The following KDM3A variants were observed in gnomAD, a reference collection of about 807,000 sequenced individuals.
KDM3A encodes the protein lysine demethylase 3A.
In KDM3A, 60 loss-of-function variants were observed where a neutral mutation model predicts 158.0. The ratio of observed to expected loss-of-function variants is 0.38; its 90% CI spans 0.31 to 0.47. KDM3A has a LOEUF of 0.47. Among genes scored for constraint, KDM3A ranks in the 20% least tolerant of loss-of-function variants. KDM3A has a pLI of 0.99. For missense variants in KDM3A, 1,319 were observed against 1,574.3 expected (o/e 0.84, Z 2.74); for synonymous variants, 608 against 549.3 (o/e 1.11, Z -1.49).
At position 86,466,857 on chromosome 2, in the gene KDM3A, C is replaced by G; in HGVS notation, c.1493C>G (p.Ser498Ter). The G allele has an allele frequency of 6.2e-7, 1 of 1,603,930 alleles. No individual in the cohort carries two copies. The highest frequency in any genetic ancestry group is 8.5e-7 in the Non-Finnish European group (1 of 1,175,896). Residue 498 changes from serine (S) to a stop codon, truncating the protein, a stop_gained, in exon 10 of 26, where the codon TCA becomes TGA. Transcript: ENST00000312912. LOFTEE classifies it high-confidence loss of function. ...SVKVDNESCC[S>*]RSNNKIQNAP... ...AAAGTAGATAATGAAAGCTGTTGTTCAAGAAGCAACAATAAAATCCAGAAT... is the reference window on the plus strand; with the variant it reads ...AAAGTAGATAATGAAAGCTGTTGTTGAAGAAGCAACAATAAAATCCAGAAT...
chr2:86,465,132 G>GA (rs1336831055), intron 9 of KDM3A, among the ~76,000 whole-genome samples: 1 of 152,206 alleles, frequency 6.6e-6, no homozygotes, highest in African/African-American at 2.4e-5. Flanking sequence ...AGGTATAATA[G>GA]AAAAAAAGGA....
rs745534431 is a variant in KDM3A, at chr2:86,466,768, A to G, written c.1404A>G (p.Ser468=). ...ATAGTGATAGCCCTAATAACTGTTC[A>G]GGAAAAAAGGTAGAACCTTCAGCTT... is the stretch of plus-strand genomic sequence containing the variant. ...GVNSDSPNNC[S]GKKVEPSALA... The change falls in exon 10 of 26, where the codon TCA becomes TCG. Residue 468 remains serine (S), a synonymous_variant. Coordinates refer to ENST00000312912, the MANE Select transcript of KDM3A (RefSeq NM_018433.6). 2 of 1,613,690 alleles carry G rather than the reference A, an allele frequency of 1.2e-6. No homozygotes were observed. The highest frequency in any genetic ancestry group is 1.7e-6 in the Non-Finnish European group (2 of 1,179,812).
At chr2:86,482,361 A>G in intron 17 of KDM3A, 97 bp from the exon 18 acceptor site, 3 of 1,538,228 alleles carry the variant, frequency 2.0e-6, no homozygotes, top group South Asian at 1.3e-5. Context: ...CTGGCTTGGA[A>G]TCTTCTGGAT....
rs762240995 is a variant in KDM3A, at chr2:86,442,047, C to A, written c.-1C>A. 1 of 1,613,968 alleles carries A rather than the reference C, an allele frequency of 6.2e-7. No homozygotes were observed. Among genetic ancestry groups the A allele is most frequent in the Non-Finnish European group, 8.5e-7 (1 of 1,179,948 alleles). ...GAGCTCTTCCTGCAGGCGTGGAAAC[C>A]ATGGTGCTCACGCTCGGAGAAAGTT... On this transcript the variant is annotated 5_prime_UTR_variant, in exon 2 of 26. Transcript: ENST00000312912.
Position 86,482,489 on chromosome 2 carries a change from T to C in KDM3A, c.2717T>C (p.Ile906Thr). 1 of 1,614,162 alleles carries C rather than the reference T, an allele frequency of 6.2e-7. No homozygotes were observed. Among genetic ancestry groups the C allele is most frequent in the South Asian group, 1.1e-5 (1 of 91,086 alleles). The change falls in exon 18 of 26, where the codon ATC becomes ACC. Residue 906 changes from isoleucine to threonine, a missense_variant. Around this residue, in one of 4 missense-constraint regions of KDM3A, gnomAD observed 368 missense variants for 415.8 expected, o/e 0.89. Coordinates refer to ENST00000312912, the MANE Select transcript of KDM3A (RefSeq NM_018433.6). ...AATGGACTCAAGAATACACCAAAAATCCTTGATGACATCTTTGCCTCTTTG... is the reference window on the plus strand; with the variant it reads ...AATGGACTCAAGAATACACCAAAAACCCTTGATGACATCTTTGCCTCTTTG... ...TENGLKNTPK[I>T]LDDIFASLVQ...
At chr2:86,440,899 G>A (rs1371337140), upstream of KDM3A, 3 of 152,392 alleles carry the variant, frequency 2.0e-5, no homozygotes, top group African/African-American at 7.2e-5. Context: ...TTTCCTGTGA[G>A]ATTCTTCCGC....
chr2:86,473,660 G>C (rs1469017447), intron 11 of KDM3A, among the ~76,000 whole-genome samples: 1 of 152,152 alleles, frequency 6.6e-6, no homozygotes, highest in Non-Finnish European at 1.5e-5. Context: ...TAAGGTGGGA[G>C]GATTGCTGAA....
At chr2:86,456,954 C>G in intron 7 of KDM3A, 29 bp from the exon 8 acceptor site, 2 of 1,572,868 alleles carry the variant, frequency 1.3e-6, no homozygotes, top group South Asian at 1.1e-5. Flanking sequence ...AACAGGGAAG[C>G]CAACTTAACC....
Position 86,490,910 on chromosome 2 carries a change from A to C in KDM3A, c.3603A>C (p.Pro1201=). The C allele has an allele frequency of 6.2e-7, 1 of 1,612,844 alleles. No individual in the cohort carries two copies. Among genetic ancestry groups the C allele is most frequent in the Non-Finnish European group, 8.5e-7 (1 of 1,179,520 alleles). Residue 1201 remains proline, a synonymous_variant, in exon 24 of 26, where the codon CCA becomes CCC. Coordinates refer to ENST00000312912, the MANE Select transcript of KDM3A (RefSeq NM_018433.6). The part of the protein sequence containing the change: ...KVSEEQGQEN[P]ADHDPIHDQS... ...CAGAAGAGCAAGGTCAAGAAAACCCAGCAGACCACGATCCTATTCATGATC... is the reference window on the plus strand; with the variant it reads ...CAGAAGAGCAAGGTCAAGAAAACCCCGCAGACCACGATCCTATTCATGATC...
At position 86,474,941 on chromosome 2, in the gene KDM3A, T is replaced by A; in HGVS notation, c.1890T>A (p.Cys630Ter). Residue 630 changes from cysteine (C) to a stop codon, truncating the protein, a stop_gained, in exon 12 of 26, where the codon TGT becomes TGA. Transcript: ENST00000312912. LOFTEE classifies it high-confidence loss of function. ...TGGCCAACATTGGAGACCACTTCTGTCAAATGGTGATTTCTGAAAAGGAAG... is the reference window on the plus strand; with the variant it reads ...TGGCCAACATTGGAGACCACTTCTGACAAATGGTGATTTCTGAAAAGGAAG... Reference protein sequence around the residue: ...YILANIGDHFCQMVISEKEAM... With the variant: ...YILANIGDHF 1 of 1,614,092 alleles carries A rather than the reference T, an allele frequency of 6.2e-7. No individual in the cohort carries two copies. The highest frequency in any genetic ancestry group is 8.5e-7 in the Non-Finnish European group (1 of 1,180,006).
intron 11 of KDM3A, among the ~76,000 whole-genome samples, chr2:86,474,520 G>A (rs934580180): frequency 2.6e-5 from 4 of 151,944 alleles, no homozygotes; most frequent in Non-Finnish European, 5.9e-5. Flanking sequence ...AAAATTAGGC[G>A]GGAGTGGTGG....
At position 86,456,891 on chromosome 2, in the gene KDM3A, T is replaced by C. The variant is rs371657789; in HGVS notation, c.754+14T>C. On this transcript the variant is annotated intron_variant, in intron 7 of 25. Transcript: ENST00000312912. ...TTGTGACATGTGGTAAGATATGTTA[T>C]TAAAATCTTTCTTCTCCTTCCTCCT... is the stretch of plus-strand genomic sequence containing the variant. 4.4e-6 allele frequency: 7 copies of C among 1,599,088 alleles called. No homozygotes were observed. Among genetic ancestry groups the C allele is most frequent in the Non-Finnish European group, 5.1e-6 (6 of 1,167,474 alleles).
At chr2:86,476,442 TG>T (rs1291537160) in intron 12 of KDM3A, among the ~76,000 whole-genome samples, 1 of 152,198 alleles carries the variant, frequency 6.6e-6, no homozygotes, top group Non-Finnish European at 1.5e-5. Flanking sequence ...CTCTCCTCCT[TG>T]CCTTTTTGAT....
intron 3 of KDM3A, among the ~76,000 whole-genome samples, 177 bp from the exon 4 acceptor site, chr2:86,450,926 T>C (rs942519911): frequency 6.6e-6 from 1 of 152,134 alleles, no homozygotes; most frequent in Non-Finnish European, 1.5e-5. Flanking sequence ...AATTATTGGG[T>C]TTGAATAAAA....
intron 11 of KDM3A, among the ~76,000 whole-genome samples, chr2:86,471,531 C>G (rs1250833675): frequency 2.0e-5 from 3 of 152,070 alleles, no homozygotes; most frequent in African/African-American, 4.8e-5. Context: ...TCTCAGAAAT[C>G]TAGGTACTTT....
At chr2:86,454,982 A>G (rs1672624118) in intron 4 of KDM3A, 103 bp from the exon 5 acceptor site, 1 of 647,990 alleles carries the variant, frequency 1.5e-6, no homozygotes, top group African/African-American at 1.9e-5. Context: ...TGTTGACACT[A>G]CTTTAACCCA....
Position 86,456,532 on chromosome 2 carries a change from C to G in KDM3A, c.647C>G (p.Pro216Arg). The change falls in exon 6 of 26, where the codon CCA (proline) becomes CGA (arginine). Residue 216 changes from proline (P) to arginine (R), a missense_variant. Pro to Arg is a moderately radical substitution (Grantham distance 103, BLOSUM62 -2). Around this residue, in one of 4 missense-constraint regions of KDM3A, gnomAD observed 652 missense variants for 627.2 expected, o/e 1.04. Transcript: ENST00000312912. ...TCAGCAACCGTTATAAATGGAAACCCAGCATCAAAAACTCTTCAAGTCAAC... is the reference window on the plus strand; with the variant it reads ...TCAGCAACCGTTATAAATGGAAACCGAGCATCAAAAACTCTTCAAGTCAAC... Reference protein sequence around the residue: ...WFSATVINGNPASKTLQVNCE... With the variant: ...WFSATVINGNRASKTLQVNCE... 6.2e-7 allele frequency: 1 copy of G among 1,609,266 alleles called. No individual in the cohort carries two copies. Among genetic ancestry groups the G allele is most frequent in the Non-Finnish European group, 8.5e-7 (1 of 1,177,790 alleles).
At position 86,474,842 on chromosome 2, in the gene KDM3A, T is replaced by C; in HGVS notation, c.1791T>C (p.Asn597=). The C allele has an allele frequency of 6.2e-7, 1 of 1,613,114 alleles. No homozygotes were observed. The highest frequency in any genetic ancestry group is 8.5e-7 in the Non-Finnish European group (1 of 1,179,652). The part of the protein sequence containing the change: ...EGFLTPNKYD[N]EAIGLWLPLT... ...TCTTAACACCAAACAAGTATGACAA[T>C]GAAGCAATTGGCTTGTGGTTACCTT... Residue 597 remains asparagine, a synonymous_variant, in exon 12 of 26, where the codon AAT becomes AAC. Coordinates refer to ENST00000312912, the MANE Select transcript of KDM3A (RefSeq NM_018433.6).
chr2:86,442,547 C>T (rs893114388), intron 2 of KDM3A: 10 of 228,320 alleles, frequency 4.4e-5, no homozygotes, highest in African/African-American at 2.3e-4. Flanking sequence ...TTTTTGTTAG[C>T]GTTAGGTAGG....
Sources: gnomAD v4.1 joint callset for allele counts (sites outside exome capture counted in the v4.1 genomes callset) on GRCh38, gnomAD v4.1.1 for gene constraint, gnomAD v4.1.1 regional missense constraint, MANE v1.5 for transcripts, NCBI Gene and HGNC (gene_info 2026-07-23, HGNC 2026-07-21) for gene names.